Variants in SLC1A1 observed in about 807,000 individuals in gnomAD.
The protein encoded by SLC1A1 is solute carrier family 1 member 1.
SLC1A1 carries 43 observed loss-of-function variants against 53.3 expected under a neutral mutation model. The ratio of observed to expected loss-of-function variants is 0.81; its 90% CI spans 0.63 to 1.04. The LOEUF is 1.04. Ranked by LOEUF, SLC1A1 falls within the 50% of genes least tolerant of loss-of-function variation. The pLI, the probability that SLC1A1 is intolerant of heterozygous loss-of-function variation, is 0.00. For synonymous variants in SLC1A1, 307 were observed against 243.2 expected (o/e 1.26, Z -2.44); for missense variants, 748 against 664.9 (o/e 1.12, Z -1.37).
chr9:4,494,545 C>A (rs1820346684), intron 1 of SLC1A1, among the ~76,000 whole-genome samples: 1 of 151,876 alleles, frequency 6.6e-6, no homozygotes, highest in Admixed American at 6.6e-5. Context: ...TAATAACTGT[C>A]CCTGTAGTAT....
rs539807397 is a variant in SLC1A1 at position 4,505,680 on chromosome 9, G to A, written c.91+14910G>A. On this transcript the variant is annotated intron_variant, in intron 1 of 11. Coordinates refer to ENST00000262352, the MANE Select transcript of SLC1A1 (RefSeq NM_004170.6). ...GTTGTTTTTCTTTTTGTTTTGGGAA[G>A]GTGTCTCACACTGTTACCCAGGCTG... Among the ~76,000 whole-genome samples, 20 of 152,008 alleles carry A rather than the reference G, an allele frequency of 1.3e-4. No individual in the cohort carries two copies. In the South Asian group the frequency reaches 4.2e-3, roughly 32 times the overall value.
chr9:4,565,008 C>T (rs901626564), intron 4 of SLC1A1, among the ~76,000 whole-genome samples: 1 of 152,218 alleles, frequency 6.6e-6, no homozygotes, highest in Non-Finnish European at 1.5e-5. Context: ...GTTGCATATA[C>T]AGCCCTTATA....
intron 6 of SLC1A1, among the ~76,000 whole-genome samples, chr9:4,570,875 C>T (rs1247830442): frequency 6.6e-6 from 1 of 150,646 alleles, no homozygotes; most frequent in Admixed American, 6.6e-5. Flanking sequence ...ATGATCATGC[C>T]ACTGCACCCC....
At position 4,498,579 on chromosome 9, in the gene SLC1A1, T is replaced by C. The variant is rs911515704; in HGVS notation, c.91+7809T>C. ...AGTTATTCATATATAATGGGGACTT[T>C]TGCTTTCAATGAGGAATATAGCTTT... On this transcript the variant is annotated intron_variant, in intron 1 of 11. Transcript: ENST00000262352. Among the ~76,000 whole-genome samples the C allele has an allele frequency of 5.9e-5, 9 of 152,224 alleles. No individual in the cohort carries two copies. In the South Asian group the frequency reaches 8.3e-4, roughly 14 times the overall value.
chr9:4,566,076 C>T lies in SLC1A1; in HGVS notation c.470C>T (p.Ala157Val), dbSNP rs367826671. 1.9e-6 allele frequency: 3 copies of T among 1,613,248 alleles called. No individual in the cohort carries two copies. Among genetic ancestry groups the T allele is most frequent in the Non-Finnish European group, 1.7e-6 (2 of 1,179,298 alleles). ...ATGTTCCCTGAGAATCTTGTCCAGG[C>T]CTGTTTTCAGCAGGTAATATTAATT... is the stretch of plus-strand genomic sequence containing the variant. ...RNMFPENLVQ[A>V]CFQQYKTKRE... The change falls in exon 5 of 12, where the codon GCC becomes GTC. Residue 157 changes from alanine (A) to valine (V), a missense_variant. Coordinates refer to ENST00000262352, the MANE Select transcript of SLC1A1 (RefSeq NM_004170.6).
chr9:4,506,938 G>A (rs912043233), intron 1 of SLC1A1, among the ~76,000 whole-genome samples: 1 of 152,138 alleles, frequency 6.6e-6, no homozygotes, highest in Admixed American at 6.5e-5. Context: ...ATAATAAAAG[G>A]TTCCAAGAGT....
intron 5 of SLC1A1, among the ~76,000 whole-genome samples, chr9:4,566,809 T>C (rs1185079565): frequency 6.6e-6 from 1 of 152,206 alleles, no homozygotes; most frequent in Non-Finnish European, 1.5e-5. Flanking sequence ...CTTCACTCCA[T>C]TTACTTCAAG....
rs752399496 is a variant in SLC1A1, at chr9:4,544,665, A to G, written c.190A>G (p.Lys64Glu). 3 of 1,613,628 alleles carry G rather than the reference A, an allele frequency of 1.9e-6. No individual in the cohort carries two copies. In the African/African-American group the frequency reaches 4.0e-5, roughly 22 times the overall value. The change falls in exon 2 of 12, where the codon AAA becomes GAA. Residue 64 changes from lysine (K) to glutamate (E), a missense_variant. By Grantham distance (56) the Lys-to-Glu change is moderately conservative (BLOSUM62 1). Transcript: ENST00000262352. ...TGGAGAAATTCTAATGCGGATGCTG[A>G]AACTCATCATTTTGCCATTAATTAT... is the stretch of plus-strand genomic sequence containing the variant. ...FPGEILMRMLKLIILPLIISS... is the reference protein window; with the variant it reads ...FPGEILMRMLELIILPLIISS...
chr9:4,530,609 T>G (rs971437021), intron 1 of SLC1A1, among the ~76,000 whole-genome samples: 2 of 152,204 alleles, frequency 1.3e-5, no homozygotes, highest in South Asian at 4.1e-4. Flanking sequence ...AAGGGAAAGA[T>G]GACTCAATGT....
chr9:4,555,719 C>G (rs1221395655), intron 2 of SLC1A1, among the ~76,000 whole-genome samples: 1 of 152,154 alleles, frequency 6.6e-6, no homozygotes, highest in Non-Finnish European at 1.5e-5. Context: ...TGGAATCGTG[C>G]TCTTCTTTTT....
intron 4 of SLC1A1, among the ~76,000 whole-genome samples, chr9:4,564,793 C>T (rs1819322560): frequency 6.6e-6 from 1 of 152,126 alleles, no homozygotes; most frequent in Admixed American, 6.6e-5. Flanking sequence ...AGGAGAAACT[C>T]TCTTATCTAA....
chr9:4,531,921 C>G (rs1394125157), intron 1 of SLC1A1, among the ~76,000 whole-genome samples: 2 of 152,184 alleles, frequency 1.3e-5, no homozygotes, highest in Non-Finnish European at 2.9e-5. Flanking sequence ...TCTGCAGTCT[C>G]CGCTGCTGAT....
rs1383133869 is a variant in SLC1A1, at chr9:4,547,121, TGA to T, written c.232+2416_232+2417del. 2.0e-5 allele frequency among the ~76,000 whole-genome samples: 3 copies of T among 152,334 alleles called. No homozygotes were observed. In the East Asian group the frequency reaches 5.8e-4, roughly 29 times the overall value. ...GCCACTCTTGACAGTCAATAACAAG[TGA>T]GTTTTGTTTTGGTTTGGTTTTTTTT... On this transcript the variant is annotated intron_variant, in intron 2 of 11. Transcript: ENST00000262352.
In SLC1A1 at chr9:4,567,876, C is replaced by T. The variant is rs1278285281; in HGVS notation, c.582+109C>T. On this transcript the variant is annotated intron_variant, in intron 6 of 11. Transcript: ENST00000262352. Reference sequence around the variant, plus strand: ...ATTCACAGAATCGCATTTGCAAATTCACCTACTTGCTAAAATTTATGTGTG... The same window carrying T: ...ATTCACAGAATCGCATTTGCAAATTTACCTACTTGCTAAAATTTATGTGTG... 3.9e-6 allele frequency: 3 copies of T among 771,690 alleles called. No homozygotes were observed. In the Admixed American group the frequency reaches 6.0e-5, roughly 15 times the overall value. The allele number at this position is 771,690 out of a possible 1,614,324, so 47.8% of individuals were successfully genotyped here.
chr9:4,512,330 T>C (rs181226279), intron 1 of SLC1A1, among the ~76,000 whole-genome samples: 1 of 152,022 alleles, frequency 6.6e-6, no homozygotes, highest in Non-Finnish European at 1.5e-5. Context: ...TTGGGCAACG[T>C]GGCAAAACTC....
chr9:4,514,072 G>C (rs900114091), intron 1 of SLC1A1, among the ~76,000 whole-genome samples: 1 of 152,198 alleles, frequency 6.6e-6, no homozygotes, highest in Non-Finnish European at 1.5e-5. Flanking sequence ...CAGCATGAGA[G>C]AGCTCTTTGG....
At chr9:4,524,958 G>C (rs540373358) in intron 1 of SLC1A1, among the ~76,000 whole-genome samples, 22 of 152,216 alleles carry the variant, frequency 1.4e-4, no homozygotes, top group Admixed American at 1.3e-3. Context: ...ACTGGGCCCT[G>C]CCTTCCAATA....
chr9:4,511,599 A>ACACACG (rs1158155916), intron 1 of SLC1A1, among the ~76,000 whole-genome samples: 1 of 147,754 alleles, frequency 6.8e-6, no homozygotes, highest in Non-Finnish European at 1.5e-5. Context: ...ACACACACAC[A>ACACACG]CTACACTACA....
intron 2 of SLC1A1, 66 bp from the exon 3 acceptor site, chr9:4,561,383 T>G: frequency 1.0e-6 from 1 of 963,600 alleles, no homozygotes; most frequent in East Asian, 2.4e-5. Context: ...ACCTGAGGAT[T>G]AAATCGCGGG....
Sources: gnomAD v4.1 joint callset for allele counts (sites outside exome capture counted in the v4.1 genomes callset) on GRCh38, gnomAD v4.1.1 for gene constraint, MANE v1.5 for transcripts, NCBI Gene and HGNC (gene_info 2026-07-23, HGNC 2026-07-21) for gene names.